CHRDL1: variants seen among roughly 807,000 people sequenced by gnomAD.
CHRDL1 encodes chordin like 1.
In CHRDL1, 19 loss-of-function variants were observed where a neutral mutation model predicts 40.9. That is an observed-to-expected ratio of 0.46 (90% confidence interval 0.32 to 0.68). The LOEUF (loss-of-function observed/expected upper bound fraction) is 0.68, where lower values mean the gene tolerates loss of function less well. Among genes scored for constraint, CHRDL1 ranks in the 30% least tolerant of loss-of-function variants. The pLI, the probability that CHRDL1 is intolerant of heterozygous loss-of-function variation, is 0.03. For synonymous variants in CHRDL1, 136 were observed against 123.4 expected (o/e 1.10, Z -0.68); for missense variants, 329 against 352.1 (o/e 0.93, Z 0.53).
rs912932668 is a variant in CHRDL1 at position 110,674,849 on chromosome X, T to G, written c.*1382A>C. The G allele has an allele frequency of 8.9e-6, 1 of 112,114 alleles. No homozygotes were observed. Among genetic ancestry groups the G allele is most frequent in the African/African-American group, 3.2e-5 (1 of 30,854 alleles). 9.2% of individuals were successfully genotyped at this position (112,114 alleles called of 1,213,427 possible). On this transcript the variant is annotated 3_prime_UTR_variant, in exon 12 of 12. Transcript: ENST00000372042. ...TGCCTGAGATCCTTGCTGTGAAGAA[T>G]TAGGTCTTCCCACAAAGATGATTTC...
chrX:110,762,737 T>C lies in CHRDL1; in HGVS notation c.165A>G (p.Glu55=), dbSNP rs749527048. The change falls in exon 3 of 12, where the codon GAA becomes GAG. Residue 55 remains glutamate, a synonymous_variant. Transcript: ENST00000372042. The part of the protein sequence containing the change: ...RVGERWHPYL[E]PYGLVYCVNC... ...TCACGCAGTAAACCAACCCATAAGG[T>C]TCCAGGTAAGGATGCCATCTCTCAC... The C allele has an allele frequency of 3.4e-6, 4 of 1,190,952 alleles. No individual in the cohort carries two copies. The East Asian group carries it at 1.2e-4, about 36-fold the overall frequency.
chrX:110,694,155 C>G lies in CHRDL1; in HGVS notation c.778+8G>C. 8.4e-7 allele frequency: 1 copy of G among 1,192,535 alleles called. No individual in the cohort carries two copies. The highest frequency in any genetic ancestry group is 1.1e-6 in the Non-Finnish European group (1 of 879,647). ...TGTGGAAGTATACAAAAGAAGGATG[C>G]CCCTTACCTTGTCCATGCTTGTGTT... On this transcript the variant is annotated splice_region_variant and intron_variant, in intron 8 of 11. Transcript: ENST00000372042.
intron 4 of CHRDL1, among the ~76,000 whole-genome samples, chrX:110,730,839 A>G (rs1471622892): frequency 1.8e-5 from 2 of 111,924 alleles, no homozygotes; most frequent in Non-Finnish European, 3.8e-5. Context: ...TTTGACTTTC[A>G]TCTTTGTTTT....
At chrX:110,699,870 G>A (rs1048765987) in intron 7 of CHRDL1, among the ~76,000 whole-genome samples, 2 of 112,390 alleles carry the variant, frequency 1.8e-5, no homozygotes, top group Admixed American at 9.4e-5. Flanking sequence ...AAACAACAAC[G>A]CAGTGAATGT....
chrX:110,700,497 C>T (rs1040738522), intron 7 of CHRDL1, among the ~76,000 whole-genome samples, 157 bp downstream of exon 7: 1 of 111,713 alleles, frequency 9.0e-6, no homozygotes, highest in African/African-American at 3.3e-5. Context: ...AAATGGTTTC[C>T]AGTTGGTGAT....
chrX:110,724,325 C>T (rs1050686019), intron 4 of CHRDL1, among the ~76,000 whole-genome samples: 7 of 111,865 alleles, frequency 6.3e-5, no homozygotes, highest in African/African-American at 2.3e-4. Flanking sequence ...GAAGAATGAT[C>T]TTGAGAATCT....
At chrX:110,780,801 C>CT (rs1328612159) in intron 2 of CHRDL1, among the ~76,000 whole-genome samples, 2 of 111,201 alleles carry the variant, frequency 1.8e-5, no homozygotes, top group African/African-American at 6.5e-5. Flanking sequence ...ATATTTCTTT[C>CT]TTTTTCTTAT....
At chrX:110,747,604 C>G (rs1173687273) in intron 4 of CHRDL1, among the ~76,000 whole-genome samples, 1 of 112,000 alleles carries the variant, frequency 8.9e-6, no homozygotes, top group African/African-American at 3.2e-5. Flanking sequence ...AAAATGTAAT[C>G]CCACTTTATA....
At position 110,751,083 on chromosome X, in the gene CHRDL1, A is replaced by C. The variant is rs149236379; in HGVS notation, c.301+8578T>G. 5.4e-4 allele frequency among the ~76,000 whole-genome samples: 60 copies of C among 111,451 alleles called. 1 individual carries two copies. In the East Asian group the frequency reaches 0.017, roughly 31 times the overall value. Reference sequence around the variant, plus strand: ...CCTCAATCCGACTGCATCAGAATTAACTGGGATGCTTGTGTGAAATGCATG... The same window carrying C: ...CCTCAATCCGACTGCATCAGAATTACCTGGGATGCTTGTGTGAAATGCATG... On this transcript the variant is annotated intron_variant, in intron 4 of 11. Coordinates refer to ENST00000372042, the MANE Select transcript of CHRDL1 (RefSeq NM_001143981.2).
At chrX:110,685,853 C>G (rs1246871702) in intron 9 of CHRDL1, among the ~76,000 whole-genome samples, 1 of 101,100 alleles carries the variant, frequency 9.9e-6, no homozygotes, top group Non-Finnish European at 2.0e-5. Flanking sequence ...TGGTTACTTT[C>G]TTAGGATTCC....
chrX:110,793,101 T>C (rs1367957566), intron 1 of CHRDL1, among the ~76,000 whole-genome samples: 1 of 112,257 alleles, frequency 8.9e-6, no homozygotes, highest in East Asian at 2.8e-4. Context: ...GCAAAATTCC[T>C]CCAATGGGTG....
chrX:110,705,488 T>A (rs1031489757), intron 6 of CHRDL1, among the ~76,000 whole-genome samples: 15 of 97,102 alleles, frequency 1.5e-4, no homozygotes, highest in African/African-American at 6.7e-4. Flanking sequence ...ATACTAAAAC[T>A]GTATGATATA....
chrX:110,684,920 C>T (rs1783820250), intron 9 of CHRDL1, among the ~76,000 whole-genome samples: 1 of 112,005 alleles, frequency 8.9e-6, no homozygotes, highest in Admixed American at 9.5e-5. Flanking sequence ...TTCTCTTCTT[C>T]CATGTTGCTC....
rs953318589 is a variant in CHRDL1 at position 110,685,636 on chromosome X, A to G, written c.988+2958T>C. On this transcript the variant is annotated intron_variant, in intron 9 of 11. Coordinates refer to ENST00000372042, the MANE Select transcript of CHRDL1 (RefSeq NM_001143981.2). ...TTCTTTAGCTTGCTATTTTTACTTAACAAATACATTGCAAACATCTTTCTC... is the reference window on the plus strand; with the variant it reads ...TTCTTTAGCTTGCTATTTTTACTTAGCAAATACATTGCAAACATCTTTCTC... 2.7e-5 allele frequency among the ~76,000 whole-genome samples: 3 copies of G among 111,732 alleles called. No individual in the cohort carries two copies. The Admixed American group carries it at 2.9e-4, about 11-fold the overall frequency.
At chrX:110,769,026 A>G in intron 2 of CHRDL1, among the ~76,000 whole-genome samples, 1 of 112,032 alleles carries the variant, frequency 8.9e-6, no homozygotes, top group East Asian at 2.8e-4. Context: ...AGTTCACTTG[A>G]GCACATACCA....
At chrX:110,771,446 A>G (rs1030284045) in intron 2 of CHRDL1, among the ~76,000 whole-genome samples, 1 of 112,488 alleles carries the variant, frequency 8.9e-6, no homozygotes, top group Non-Finnish European at 1.9e-5. Flanking sequence ...AAATTTTAAC[A>G]AACTAAATCT....
At chrX:110,731,610 AATGG>A (rs778549060) in intron 4 of CHRDL1, among the ~76,000 whole-genome samples, 2 of 112,214 alleles carry the variant, frequency 1.8e-5, no homozygotes, top group Non-Finnish European at 3.8e-5. Flanking sequence ...TCAGTAGATG[AATGG>A]ATGAACAAAA....
chrX:110,689,172 T>C (rs1174086533), intron 8 of CHRDL1, among the ~76,000 whole-genome samples: 1 of 97,172 alleles, frequency 1.0e-5, no homozygotes, highest in African/African-American at 3.7e-5. Flanking sequence ...TGGCTCACTG[T>C]AGCCTTGACT....
intron 8 of CHRDL1, among the ~76,000 whole-genome samples, chrX:110,689,434 A>C (rs1603124902): frequency 1.6e-5 from 1 of 61,616 alleles, no homozygotes; most frequent in East Asian, 3.5e-4. Flanking sequence ...CTATATATCT[A>C]TATATCTATA....
Sources: gnomAD v4.1 joint callset for allele counts (sites outside exome capture counted in the v4.1 genomes callset) on GRCh38, gnomAD v4.1.1 for gene constraint, MANE v1.5 for transcripts, NCBI Gene and HGNC (gene_info 2026-07-23, HGNC 2026-07-21) for gene names.